The following SDK2 variants were observed in gnomAD, a reference collection of about 807,000 sequenced individuals.
The protein encoded by SDK2 is sidekick cell adhesion molecule 2.
Under a neutral mutation model 253.9 loss-of-function variants are expected in SDK2, and 105 were observed. That is an observed-to-expected ratio of 0.41 (90% confidence interval 0.35 to 0.49). SDK2 has a LOEUF of 0.49. Ranked by LOEUF, SDK2 falls within the 20% of genes least tolerant of loss-of-function variation. SDK2 has a pLI of 0.06. For missense variants in SDK2, 2,608 were observed against 3,003.0 expected, an observed-to-expected ratio of 0.87 and a Z score of 3.07; for synonymous variants, 1,249 against 1,234.9, an observed-to-expected ratio of 1.01 and a Z score of -0.24.
intron 1 of SDK2, among the ~76,000 whole-genome samples, chr17:73,574,307 T>C (rs1451173337): frequency 6.6e-6 from 1 of 152,254 alleles, no homozygotes; most frequent in Non-Finnish European, 1.5e-5. Flanking sequence ...ATTTGTTACA[T>C]GAATGGATAC....
intron 2 of SDK2, among the ~76,000 whole-genome samples, chr17:73,507,115 CCACAGT>C (rs2063941911): frequency 6.6e-6 from 1 of 152,200 alleles, no homozygotes; most frequent in African/African-American, 2.4e-5. Flanking sequence ...GAGCAGGGGG[CCACAGT>C]CACAGCCACA....
At chr17:73,604,368 T>G (rs752627708) in intron 1 of SDK2, among the ~76,000 whole-genome samples, 46 of 152,034 alleles carry the variant, frequency 3.0e-4, no homozygotes, top group Non-Finnish European at 5.7e-4. Context: ...CAAAACAAAC[T>G]CAGGGCACAG....
intron 2 of SDK2, among the ~76,000 whole-genome samples, chr17:73,476,999 T>C (rs2145703445): frequency 6.6e-6 from 1 of 152,312 alleles, no homozygotes; most frequent in Middle Eastern, 3.4e-3. Context: ...ATTTCTGGCT[T>C]GTAGGCAACA....
In SDK2 at chr17:73,335,125, G is replaced by A. The variant is rs1406409854; in HGVS notation, c.*3462C>T. 4 of 152,658 alleles carry A rather than the reference G, an allele frequency of 2.6e-5. No homozygotes were observed. Among genetic ancestry groups the A allele is most frequent in the African/African-American group, 9.6e-5 (4 of 41,464 alleles). 9.5% of individuals were successfully genotyped at this position (152,658 alleles called of 1,614,324 possible). On this transcript the variant is annotated 3_prime_UTR_variant, in exon 45 of 45. Coordinates refer to ENST00000392650, the MANE Select transcript of SDK2 (RefSeq NM_001144952.2). ...GGGGTGAGGGATGGACAGAAGGGGAGGCAGCCTGGGTTTGCAAACTCTCTG... is the reference window on the plus strand; with the variant it reads ...GGGGTGAGGGATGGACAGAAGGGGAAGCAGCCTGGGTTTGCAAACTCTCTG...
At chr17:73,593,588 A>G (rs2045714287) in intron 1 of SDK2, among the ~76,000 whole-genome samples, 3 of 152,178 alleles carry the variant, frequency 2.0e-5, no homozygotes, top group South Asian at 4.1e-4. Flanking sequence ...CCAGGGAAGG[A>G]GCAGATGGTA....
At chr17:73,401,517 C>G (rs1176169555) in intron 20 of SDK2, 137 bp downstream of exon 20, 2 of 825,014 alleles carry the variant, frequency 2.4e-6, no homozygotes, top group African/African-American at 3.4e-5. Context: ...CAAGAGCCTC[C>G]TGTGAGTGGT....
Position 73,338,791 on chromosome 17 carries a change from G to A in SDK2, c.6315C>T (p.Ser2105=), listed in dbSNP as rs145172071. The change falls in exon 45 of 45, where the codon AGC becomes AGT. Residue 2105 remains serine, a synonymous_variant. Transcript: ENST00000392650. The surrounding 1 kb of genome is among the most constrained non-coding windows in gnomAD (Gnocchi z 5.0). The stretch of plus-strand genomic sequence containing the variant: ...TGGTGTGGTCTGGCTCACCCGAGTC[G>A]CTCTCCGTGTAGCTGTAGGCCTGTG... ...SRAQAYSYTE[S]DSGEPDHTTV... is the part of the protein sequence containing the mutation. The A allele has an allele frequency of 9.3e-6, 15 of 1,613,796 alleles. No individual in the cohort carries two copies. Among genetic ancestry groups the A allele is most frequent in the African/African-American group, 1.3e-5 (1 of 74,904 alleles).
In SDK2 at chr17:73,336,432, C is replaced by T. The variant is rs1269489941; in HGVS notation, c.*2155G>A. 1 of 152,318 alleles carries T rather than the reference C, an allele frequency of 6.6e-6. No individual in the cohort carries two copies. The highest frequency in any genetic ancestry group is 1.5e-5 in the Non-Finnish European group (1 of 68,082). The allele number at this position is 152,318 out of a possible 1,614,324, so 9.4% of individuals were successfully genotyped here. On this transcript the variant is annotated 3_prime_UTR_variant, in exon 45 of 45. Transcript: ENST00000392650. ...TGGTTCTCCTTTGGGGAAGATTGTG[C>T]TTCCCTTCCCAGGCCTCCTTATTGG...
chr17:73,614,351 G>A (rs906362241), intron 1 of SDK2, among the ~76,000 whole-genome samples: 1 of 151,942 alleles, frequency 6.6e-6, no homozygotes, highest in Non-Finnish European at 1.5e-5. Context: ...GCCCTGCCTC[G>A]GTTTCCTAAA....
intron 1 of SDK2, among the ~76,000 whole-genome samples, chr17:73,552,546 C>T (rs892223098): frequency 6.6e-6 from 1 of 152,114 alleles, no homozygotes; most frequent in African/African-American, 2.4e-5. Flanking sequence ...TGAGTGTACT[C>T]GGCCGGAGTA....
At position 73,435,554 on chromosome 17, in the gene SDK2, C is replaced by T. The variant is rs1462929210; in HGVS notation, c.1091G>A (p.Gly364Asp). The change falls in exon 9 of 45, where the codon GGC becomes GAC. Residue 364 changes from glycine (G) to aspartate (D), a missense_variant. Around this residue, in one of 2 missense-constraint regions of SDK2, gnomAD observed 1,505 missense variants for 1,859.1 expected, o/e 0.81. Coordinates refer to ENST00000392650, the MANE Select transcript of SDK2 (RefSeq NM_001144952.2). This position sits in a 1 kb window ranked among gnomAD's most constrained non-coding sequence, Gnocchi z 5.7. ...LTRFRQRNDG[G>D]LQISGLVPDD... Reference sequence around the variant, plus strand: ...GGGCACCAGGCCGCTGATCTGCAGGCCCCCGTCGTTGCGCTGCCGGAAGCG... The same window carrying T: ...GGGCACCAGGCCGCTGATCTGCAGGTCCCCGTCGTTGCGCTGCCGGAAGCG... 5.7e-6 allele frequency: 9 copies of T among 1,591,988 alleles called. No individual in the cohort carries two copies. The African/African-American group carries it at 6.7e-5, about 12-fold the overall frequency.
At chr17:73,556,826 G>A (rs1361703385) in intron 1 of SDK2, among the ~76,000 whole-genome samples, 2 of 152,156 alleles carry the variant, frequency 1.3e-5, no homozygotes, top group Non-Finnish European at 2.9e-5. Context: ...GATTTTCTAA[G>A]CCTCAGTTTT....
At chr17:73,472,539 C>T (rs1402717348) in intron 2 of SDK2, among the ~76,000 whole-genome samples, 1 of 152,174 alleles carries the variant, frequency 6.6e-6, no homozygotes, top group Non-Finnish European at 1.5e-5. Flanking sequence ...CAGCTATTCT[C>T]CCTGACCTGT....
At chr17:73,581,523 C>T (rs918938981) in intron 1 of SDK2, among the ~76,000 whole-genome samples, 3 of 152,238 alleles carry the variant, frequency 2.0e-5, no homozygotes, top group African/African-American at 7.2e-5. Context: ...ACCTTCAAGG[C>T]TTAGAGGCTT....
chr17:73,348,182 T>C (rs983180773), intron 44 of SDK2, among the ~76,000 whole-genome samples: 2 of 152,218 alleles, frequency 1.3e-5, no homozygotes, highest in African/African-American at 2.4e-5. Context: ...TGAAGCTGTT[T>C]TGATGCGTGA....
At chr17:73,565,359 G>A (rs1460086639) in intron 1 of SDK2, among the ~76,000 whole-genome samples, 1 of 152,196 alleles carries the variant, frequency 6.6e-6, no homozygotes, top group Non-Finnish European at 1.5e-5. Flanking sequence ...ACAGGGGAGA[G>A]CAAGTTTGGA....
chr17:73,406,554 C>T (rs2063081098), intron 18 of SDK2, among the ~76,000 whole-genome samples: 1 of 151,978 alleles, frequency 6.6e-6, no homozygotes, highest in Non-Finnish European at 1.5e-5. Flanking sequence ...CTGGCCTGTA[C>T]TTGTTTATAT....
chr17:73,451,023 T>C (rs868630203), intron 4 of SDK2, among the ~76,000 whole-genome samples: 5 of 152,200 alleles, frequency 3.3e-5, no homozygotes, highest in African/African-American at 1.2e-4. Flanking sequence ...GCATCTCTGC[T>C]TGCATCCAGG....
rs767499195 is a variant in SDK2, at chr17:73,379,317, T to C, written c.4865-25A>G. The C allele has an allele frequency of 3.3e-6, 5 of 1,520,978 alleles. No homozygotes were observed. The Admixed American group carries it at 7.9e-5, about 24-fold the overall frequency. The allele number at this position is 1,520,978 out of a possible 1,614,324, so 94.2% of individuals were successfully genotyped here. A position where few individuals can be genotyped will look rare whatever the true frequency, so the allele number is the denominator to read the frequency against. ...ACTGGAGGGCGTGCAGGGTAGGCAG[T>C]GAGCATGCGAGTAAACCTGGGAGGG... On this transcript the variant is annotated intron_variant, in intron 35 of 44. Coordinates refer to ENST00000392650, the MANE Select transcript of SDK2 (RefSeq NM_001144952.2). This position sits in a 1 kb window ranked among gnomAD's most constrained non-coding sequence, Gnocchi z 4.5.
Sources: allele counts gnomAD v4.1 joint callset (sites outside exome capture counted in the v4.1 genomes callset), GRCh38; gene constraint gnomAD v4.1.1; regional missense constraint gnomAD v4.1.1; non-coding constraint Gnocchi (gnomAD v3.1); transcripts MANE v1.5; gene names NCBI Gene and HGNC (gene_info 2026-07-23, HGNC 2026-07-21).